The following GRM8 variants were observed in gnomAD, a reference collection of about 807,000 sequenced individuals.
GRM8 encodes the protein glutamate metabotropic receptor 8, also known as metabotropic glutamate receptor 8.
In GRM8, 47 loss-of-function variants were observed where a neutral mutation model predicts 87.2. The ratio of observed to expected loss-of-function variants is 0.54; its 90% CI spans 0.43 to 0.69. The LOEUF is 0.69. Among genes scored for constraint, GRM8 ranks in the 30% least tolerant of loss-of-function variants. GRM8 has a pLI of 0.00. For missense variants in GRM8, 1,019 were observed against 1,139.2 expected (o/e 0.89, Z 1.52); for synonymous variants, 396 against 404.5 (o/e 0.98, Z 0.25).
At chr7:127,150,101 T>C (rs147313784) in intron 2 of GRM8, among the ~76,000 whole-genome samples, 1 of 152,154 alleles carries the variant, frequency 6.6e-6, no homozygotes, top group African/African-American at 2.4e-5. Context: ...CTTTTTACTA[T>C]CCACATGTAT....
intron 7 of GRM8, among the ~76,000 whole-genome samples, chr7:126,618,721 A>G (rs1799793162): frequency 6.6e-6 from 1 of 152,216 alleles, no homozygotes; most frequent in South Asian, 2.1e-4. Context: ...AAGGATATGA[A>G]CAGACACTTC....
intron 2 of GRM8, among the ~76,000 whole-genome samples, chr7:127,131,841 G>T (rs1827706935): frequency 6.6e-6 from 1 of 151,488 alleles, no homozygotes; most frequent in Non-Finnish European, 1.5e-5. Context: ...TTTATCCTTT[G>T]TTTCCTGGAA....
intron 7 of GRM8, among the ~76,000 whole-genome samples, chr7:126,655,898 A>T (rs1221273072): frequency 6.6e-6 from 1 of 152,220 alleles, no homozygotes; most frequent in Non-Finnish European, 1.5e-5. Flanking sequence ...CAGGGTACCT[A>T]TATTTATAGA....
intron 3 of GRM8, among the ~76,000 whole-genome samples, chr7:126,952,376 G>T (rs576619277): frequency 2.5e-4 from 38 of 151,934 alleles, no homozygotes; most frequent in Non-Finnish European, 4.7e-4. Context: ...TTGAAAGAAA[G>T]AAGGAAGTGG....
chr7:126,568,070 G>A (rs1794390574), intron 8 of GRM8, among the ~76,000 whole-genome samples: 1 of 151,980 alleles, frequency 6.6e-6, no homozygotes, highest in African/African-American at 2.4e-5. Flanking sequence ...AAAATTATTT[G>A]GTAAACTAGT....
intron 3 of GRM8, among the ~76,000 whole-genome samples, chr7:126,953,397 A>T (rs921412342): frequency 6.6e-6 from 1 of 152,110 alleles, no homozygotes; most frequent in African/African-American, 2.4e-5. Flanking sequence ...TCTTGCAAAG[A>T]CCGTGGCCTT....
At chr7:126,720,337 G>C (rs1401968129) in intron 7 of GRM8, among the ~76,000 whole-genome samples, 3 of 151,682 alleles carry the variant, frequency 2.0e-5, no homozygotes, top group Non-Finnish European at 4.4e-5. Flanking sequence ...GTAGAGACAG[G>C]GTCTATGTGG....
chr7:126,613,919 G>A (rs1799180331), intron 7 of GRM8, among the ~76,000 whole-genome samples: 1 of 152,202 alleles, frequency 6.6e-6, no homozygotes, highest in South Asian at 2.1e-4. Flanking sequence ...AGCTCAAGGA[G>A]GTCTGCCTGC....
intron 9 of GRM8, among the ~76,000 whole-genome samples, chr7:126,530,812 TA>T (rs1206892394): frequency 2.2e-4 from 34 of 152,326 alleles, no homozygotes; most frequent in African/African-American, 7.5e-4. Flanking sequence ...AGCATTTATT[TA>T]TTTTTTTTGG....
intron 8 of GRM8, among the ~76,000 whole-genome samples, chr7:126,591,843 T>A (rs1796700446): frequency 6.6e-6 from 1 of 151,466 alleles, no homozygotes; most frequent in African/African-American, 2.4e-5. Context: ...AACTAAGAGT[T>A]GGTTTCTGGA....
rs17863221 is a variant in GRM8, at chr7:127,126,143, A to C, written c.511-19431T>G. ...CTACCGGGTATCTACCCAAAGGAAAAGAAATAACTATATCAAAAAGATACC... is the reference window on the plus strand; with the variant it reads ...CTACCGGGTATCTACCCAAAGGAAACGAAATAACTATATCAAAAAGATACC... On this transcript the variant is annotated intron_variant, in intron 2 of 10. Transcript: ENST00000339582. Among the ~76,000 whole-genome samples the C allele has an allele frequency of 4.9e-3, 744 of 152,188 alleles. 1 individual carries two copies. Among genetic ancestry groups the C allele is most frequent in the South Asian group, 0.019 (91 of 4,824 alleles).
At chr7:126,870,814 G>A (rs140862162) in intron 6 of GRM8, among the ~76,000 whole-genome samples, 106 of 152,316 alleles carry the variant, frequency 7.0e-4, no homozygotes, top group African/African-American at 1.2e-3. Context: ...GTGAGCACAT[G>A]CCATTAGAAA....
intron 3 of GRM8, among the ~76,000 whole-genome samples, chr7:127,038,162 C>T (rs1818022937): frequency 6.6e-6 from 1 of 152,140 alleles, no homozygotes; most frequent in Non-Finnish European, 1.5e-5. Flanking sequence ...GAGACGTTGA[C>T]AGGAATCATA....
At chr7:126,940,340 G>C (rs931015311) in intron 3 of GRM8, among the ~76,000 whole-genome samples, 1 of 152,090 alleles carries the variant, frequency 6.6e-6, no homozygotes, top group Admixed American at 6.5e-5. Context: ...CACCACCCAG[G>C]TCTGACCTAG....
intron 7 of GRM8, among the ~76,000 whole-genome samples, chr7:126,644,323 G>A (rs1802804429): frequency 6.6e-6 from 1 of 152,140 alleles, no homozygotes; most frequent in Non-Finnish European, 1.5e-5. Context: ...TTGGGTTTTT[G>A]AAAGGAATGT....
intron 9 of GRM8, among the ~76,000 whole-genome samples, chr7:126,452,390 A>C (rs1802713150): frequency 6.6e-6 from 1 of 151,254 alleles, no homozygotes; most frequent in Non-Finnish European, 1.5e-5. Flanking sequence ...ATATGTAACT[A>C]ACCTGCATGT....
chr7:127,168,244 CAT>C (rs1793572701), intron 2 of GRM8, among the ~76,000 whole-genome samples: 2 of 152,138 alleles, frequency 1.3e-5, no homozygotes, highest in Non-Finnish European at 2.9e-5. Flanking sequence ...AGAAAACAAA[CAT>C]ATTTTAAAAA....
At chr7:127,233,330 T>C (rs554578912) in intron 2 of GRM8, among the ~76,000 whole-genome samples, 25 of 152,290 alleles carry the variant, frequency 1.6e-4, no homozygotes, top group African/African-American at 5.8e-4. Flanking sequence ...AAATAATCTA[T>C]AATTTGAACA....
intron 7 of GRM8, among the ~76,000 whole-genome samples, chr7:126,617,312 G>C (rs1799612038): frequency 6.6e-6 from 1 of 152,162 alleles, no homozygotes; most frequent in African/African-American, 2.4e-5. Context: ...AAAGGCCTTT[G>C]ACAAAATTCA....
Sources: allele counts gnomAD v4.1 joint callset (sites outside exome capture counted in the v4.1 genomes callset), GRCh38; gene constraint gnomAD v4.1.1; transcripts MANE v1.5; gene names NCBI Gene and HGNC (gene_info 2026-07-23, HGNC 2026-07-21).